The following TPTE variants were observed in gnomAD, a reference collection of about 807,000 sequenced individuals.
TPTE encodes transmembrane phosphatase with tensin homology.
TPTE carries 59 observed loss-of-function variants against 84.1 expected under a neutral mutation model. The ratio of observed to expected loss-of-function variants is 0.70; its 90% confidence interval spans 0.57 to 0.87. The LOEUF is 0.87. Among genes scored for constraint, TPTE ranks in the 40% least tolerant of loss-of-function variants. The pLI, the probability that TPTE is intolerant of heterozygous loss-of-function variation, is 0.00. For synonymous variants in TPTE, 130 were observed against 223.5 expected, an observed-to-expected ratio of 0.58 and a Z score of 3.73; for missense variants, 382 against 659.6, an observed-to-expected ratio of 0.58 and a Z score of 4.61.
At chr21:10,547,196 A>G (rs543114328) in intron 7 of TPTE, among the ~76,000 whole-genome samples, 295 of 152,284 alleles carry the variant, frequency 1.9e-3, no homozygotes, top group African/African-American at 6.7e-3. Flanking sequence ...ATGGGTGACT[A>G]GAGATGTCTG....
At chr21:10,603,009 G>A (rs1488228508) in intron 22 of TPTE, among the ~76,000 whole-genome samples, 230 of 151,940 alleles carry the variant, frequency 1.5e-3, no homozygotes, top group African/African-American at 5.3e-3. Flanking sequence ...GGTCTGTGGG[G>A]TGAGTCAAGT....
intron 3 of TPTE, among the ~76,000 whole-genome samples, chr21:10,530,538 T>A (rs1362400877): frequency 6.6e-6 from 1 of 152,308 alleles, no homozygotes. Flanking sequence ...TTAACTGGTA[T>A]GAAAAATTGC....
intron 8 of TPTE, among the ~76,000 whole-genome samples, chr21:10,559,292 T>C (rs572763582): frequency 1.9e-3 from 292 of 152,298 alleles, no homozygotes; most frequent in African/African-American, 6.8e-3. Flanking sequence ...CTTTACTGTC[T>C]TCTGGATAGC....
At chr21:10,539,624 T>A (rs559433808) in intron 4 of TPTE, among the ~76,000 whole-genome samples, 2 of 152,426 alleles carry the variant, frequency 1.3e-5, no homozygotes, top group East Asian at 3.8e-4. Context: ...TGCAATCATA[T>A]AAAGTATGAT....
intron 8 of TPTE, among the ~76,000 whole-genome samples, chr21:10,558,787 C>A: frequency 6.9e-6 from 1 of 145,630 alleles, no homozygotes; most frequent in African/African-American, 2.5e-5. Context: ...GAGCCTCCAA[C>A]ACAGGAGGCT....
chr21:10,527,034 C>G (rs1260351587), intron 2 of TPTE, among the ~76,000 whole-genome samples: 3 of 152,310 alleles, frequency 2.0e-5, no homozygotes, highest in Admixed American at 1.3e-4. Context: ...TAAGGCTTGA[C>G]TTATCTACTT....
At chr21:10,596,249 C>T in intron 20 of TPTE, among the ~76,000 whole-genome samples, 162 bp downstream of exon 20, 1 of 152,308 alleles carries the variant, frequency 6.6e-6, no homozygotes, top group Non-Finnish European at 1.5e-5. Context: ...GCTCCTCCTG[C>T]AATTGCCCAT....
intron 10 of TPTE, among the ~76,000 whole-genome samples, chr21:10,561,995 T>G (rs1047115551): frequency 6.6e-6 from 1 of 152,308 alleles, no homozygotes; most frequent in African/African-American, 2.4e-5. Flanking sequence ...GCCACAGAGG[T>G]GCTTATGTCA....
intron 3 of TPTE, among the ~76,000 whole-genome samples, chr21:10,536,238 A>G (rs572614130): frequency 1.6e-4 from 25 of 152,412 alleles, no homozygotes; most frequent in African/African-American, 5.8e-4. Context: ...AGATGGCTCC[A>G]CTGCACTCCA....
chr21:10,551,028 T>C (rs1004869613), intron 7 of TPTE, among the ~76,000 whole-genome samples: 1 of 152,306 alleles, frequency 6.6e-6, no homozygotes, highest in African/African-American at 2.4e-5. Flanking sequence ...AAATTAAGAA[T>C]GAAATTTAAG....
chr21:10,551,630 A>T (rs540085142), intron 7 of TPTE, among the ~76,000 whole-genome samples: 2 of 152,416 alleles, frequency 1.3e-5, no homozygotes, highest in South Asian at 4.1e-4. Context: ...AAAGGTTAAC[A>T]ACAAAAAGGT....
At chr21:10,525,627 T>C (rs1170281259) in intron 2 of TPTE, among the ~76,000 whole-genome samples, 1 of 152,310 alleles carries the variant, frequency 6.6e-6, no homozygotes, top group African/African-American at 2.4e-5. Context: ...AACCTTCAGC[T>C]AACTCAAACT....
intron 7 of TPTE, among the ~76,000 whole-genome samples, chr21:10,547,300 A>G (rs1327588261): frequency 1.5e-4 from 23 of 152,306 alleles, no homozygotes; most frequent in Admixed American, 3.3e-4. Flanking sequence ...AGTGCAGCAA[A>G]GGAGTGGAGA....
intron 3 of TPTE, among the ~76,000 whole-genome samples, chr21:10,531,721 C>T (rs1188485359): frequency 2.0e-5 from 3 of 152,312 alleles, no homozygotes; most frequent in African/African-American, 7.2e-5. Context: ...AACTTTTTGC[C>T]TTATTATTTT....
chr21:10,573,090 G>T (rs2075079035), intron 14 of TPTE, among the ~76,000 whole-genome samples: 1 of 151,880 alleles, frequency 6.6e-6, no homozygotes, highest in South Asian at 2.1e-4. Context: ...ACTGTATGCT[G>T]CCTACAAGAA....
intron 14 of TPTE, among the ~76,000 whole-genome samples, chr21:10,575,534 G>A (rs1178494865): frequency 6.6e-6 from 1 of 152,304 alleles, no homozygotes; most frequent in African/African-American, 2.4e-5. Flanking sequence ...TTTTTTGGAT[G>A]GGTCCCTGAT....
At chr21:10,527,710 A>T (rs1189151961) in intron 3 of TPTE, among the ~76,000 whole-genome samples, 1 of 152,308 alleles carries the variant, frequency 6.6e-6, no homozygotes, top group Admixed American at 6.5e-5. Context: ...GACAGGCAGC[A>T]GAGGAGCCCT....
At chr21:10,537,707 A>G (rs1176916157) in intron 3 of TPTE, among the ~76,000 whole-genome samples, 2 of 152,292 alleles carry the variant, frequency 1.3e-5, no homozygotes, top group African/African-American at 2.4e-5. Context: ...AAAGAAAAAG[A>G]AATAAATCAA....
chr21:10,572,543 G>A lies in TPTE; in HGVS notation c.795+1994G>A, dbSNP rs1341724874. 9.2e-5 allele frequency among the ~76,000 whole-genome samples: 14 copies of A among 151,790 alleles called. No individual in the cohort carries two copies. In the East Asian group the frequency reaches 2.6e-3, roughly 28 times the overall value. ...GGGAAACTCCATTTGATTAGCAGTA[G>A]ATTTCCCAGTGGAAACTTTACAGGT... On this transcript the variant is annotated intron_variant, in intron 14 of 23. Transcript: ENST00000618007.
Sources: allele counts gnomAD v4.1 joint callset (sites outside exome capture counted in the v4.1 genomes callset), GRCh38; gene constraint gnomAD v4.1.1; transcripts MANE v1.5; gene names NCBI Gene and HGNC (gene_info 2026-07-23, HGNC 2026-07-21).